VSIG10L: variants seen among roughly 807,000 people sequenced by gnomAD.
VSIG10L encodes V-set and immunoglobulin domain containing 10 like.
Under a neutral mutation model 67.3 loss-of-function variants are expected in VSIG10L, and 63 were observed. That is an observed-to-expected ratio of 0.94 (90% CI 0.76 to 1.15). The LOEUF (loss-of-function observed/expected upper bound fraction) is 1.15. Among genes scored for constraint, VSIG10L ranks in the 50% most tolerant of loss-of-function variants. The probability of loss-of-function intolerance (pLI) is 0.00; values close to 1 mark genes in which losing one functional copy is unlikely to be tolerated. For missense variants in VSIG10L, 1,050 were observed against 1,177.5 expected (o/e 0.89, Z 1.58); for synonymous variants, 499 against 524.9 (o/e 0.95, Z 0.67).
At chr19:51,337,597 G>A in intron 6 of VSIG10L, 63 bp from the exon 7 acceptor site, 1 of 1,337,632 alleles carries the variant, frequency 7.5e-7, no homozygotes, top group Non-Finnish European at 9.9e-7. Context: ...GGGGGCTGGG[G>A]GGCTGGGCTC....
At chr19:51,338,800 C>T (rs763200561) in intron 5 of VSIG10L, 88 bp downstream of exon 5, 300 of 1,314,898 alleles carry the variant, frequency 2.3e-4, no homozygotes, top group Non-Finnish European at 2.8e-4. Context: ...TAAGGACGTA[C>T]CCCATACCCC....
At position 51,337,273 on chromosome 19, in the gene VSIG10L, G is replaced by C; in HGVS notation, c.2270C>G (p.Pro757Arg). ...FRILPILGGQ[P>R]GTPSQSRVYR... is the part of the protein sequence containing the mutation. ...GACCCGGCTTTGTGATGGAGTCCCT[G>C]GCTGGCCCCCCAGGATGGGCAGGAT... Residue 757 changes from proline to arginine, a missense_variant, in exon 7 of 10, where the codon CCA becomes CGA. Transcript: ENST00000335624. 1 of 1,550,768 alleles carries C rather than the reference G, an allele frequency of 6.4e-7. No homozygotes were observed. The highest frequency in any genetic ancestry group is 2.4e-5 in the East Asian group (1 of 40,874).
In VSIG10L at chr19:51,338,975, C is replaced by T; in HGVS notation, c.1642G>A (p.Val548Ile). 1 of 1,428,250 alleles carries T rather than the reference C, an allele frequency of 7.0e-7. No homozygotes were observed. The highest frequency in any genetic ancestry group is 1.5e-5 in the African/African-American group (1 of 66,748). 88.5% of individuals were successfully genotyped at this position (1,428,250 alleles called of 1,614,324 possible). The change falls in exon 5 of 10, where the codon GTC becomes ATC. Residue 548 changes from valine to isoleucine, a missense_variant. Coordinates refer to ENST00000335624, the MANE Select transcript of VSIG10L (RefSeq NM_001163922.3). Reference sequence around the variant, plus strand: ...CCGCTGAGCCGGGGGTGGGCGGGGACGGCCGCCAGCAGCACAGAGGACACT... The same window carrying T: ...CCGCTGAGCCGGGGGTGGGCGGGGATGGCCGCCAGCAGCACAGAGGACACT... ...GPVSSVLLAA[V>I]PAHPRLSGVP...
At position 51,340,190 on chromosome 19, in the gene VSIG10L, C is replaced by T; in HGVS notation, c.1299G>A (p.Arg433=). 1 of 1,445,498 alleles carries T rather than the reference C, an allele frequency of 6.9e-7. No homozygotes were observed. 89.5% of individuals were successfully genotyped at this position (1,445,498 alleles called of 1,614,324 possible). Residue 433 remains arginine, a synonymous_variant, in exon 4 of 10, where the codon CGG becomes CGA. Transcript: ENST00000335624. The surrounding 1 kb of genome is among the most constrained non-coding windows in gnomAD (Gnocchi z 6.3). ...NVTLRCAAAS[R]PPADITWSLA... is the part of the protein sequence containing the mutation. ...GGCTCCACGTGATGTCGGCGGGCGG[C>T]CGCGAGGCGGCGGCGCAGCGCAAGG...
intron 4 of VSIG10L, 102 bp downstream of exon 4, chr19:51,339,913 G>T: frequency 4.8e-5 from 41 of 862,692 alleles, no homozygotes; most frequent in East Asian, 1.8e-4. Flanking sequence ...CCACCGGTAT[G>T]CTGCTCCTCC....
At chr19:51,339,931 C>T in intron 4 of VSIG10L, 84 bp downstream of exon 4, 1 of 1,139,530 alleles carries the variant, frequency 8.8e-7, no homozygotes, top group East Asian at 4.4e-5. Context: ...TCCTTGCTGG[C>T]CCCGCCCCTT....
In VSIG10L at chr19:51,334,085, A is replaced by G. The variant is rs372593819; in HGVS notation, c.2419+106T>C. ...ATTTGGAGGTAGGAGGGCAGGATGGATGACCTATGACGGCACTGATTGCCT... is the reference window on the plus strand; with the variant it reads ...ATTTGGAGGTAGGAGGGCAGGATGGGTGACCTATGACGGCACTGATTGCCT... On this transcript the variant is annotated intron_variant, in intron 8 of 9. Transcript: ENST00000335624. 4.3e-5 allele frequency: 62 copies of G among 1,454,020 alleles called. No individual in the cohort carries two copies. In the African/African-American group the frequency reaches 7.5e-4, roughly 18 times the overall value. The allele number at this position is 1,454,020 out of a possible 1,614,324, so 90.1% of individuals were successfully genotyped here. A position where few individuals can be genotyped will look rare whatever the true frequency, so the allele number is the denominator to read the frequency against.
intron 6 of VSIG10L, 140 bp downstream of exon 6, chr19:51,337,789 TC>T (rs1317821392): frequency 8.6e-7 from 1 of 1,159,128 alleles, no homozygotes; most frequent in Non-Finnish European, 1.2e-6. Flanking sequence ...AGGCCTGGAC[TC>T]CAGGGTCTGA....
chr19:51,336,781 T>TTTG (rs1555753067), intron 7 of VSIG10L, among the ~76,000 whole-genome samples: 33 of 143,536 alleles, frequency 2.3e-4, no homozygotes, highest in Middle Eastern at 3.7e-3. Flanking sequence ...TTTTTTTTTT[T>TTTG]TTTTGAGACG....
In VSIG10L at chr19:51,337,907, T is replaced by A. The variant is rs762782216; in HGVS notation, c.2008+23A>T. 21 of 1,523,324 alleles carry A rather than the reference T, an allele frequency of 1.4e-5. No homozygotes were observed. In the South Asian group the frequency reaches 2.3e-4, roughly 17 times the overall value. The allele number at this position is 1,523,324 out of a possible 1,614,324, so 94.4% of individuals were successfully genotyped here. A position where few individuals can be genotyped will look rare whatever the true frequency, so the allele number is the denominator to read the frequency against. Reference sequence around the variant, plus strand: ...GCGGCTGGGGACGTGGACTTCAGGGTTTTTTGAAATAACGTGGCTCACCAA... The same window carrying A: ...GCGGCTGGGGACGTGGACTTCAGGGATTTTTGAAATAACGTGGCTCACCAA... On this transcript the variant is annotated intron_variant, in intron 6 of 9. Transcript: ENST00000335624.
In VSIG10L at chr19:51,341,163, C is replaced by A; in HGVS notation, c.885G>T (p.Val295=). 6.6e-7 allele frequency: 1 copy of A among 1,521,332 alleles called. No individual in the cohort carries two copies. 94.2% of individuals were successfully genotyped at this position (1,521,332 alleles called of 1,614,324 possible). The change falls in exon 2 of 10, where the codon GTG becomes GTT. Residue 295 remains valine, a synonymous_variant. Coordinates refer to ENST00000335624, the MANE Select transcript of VSIG10L (RefSeq NM_001163922.3). ...CCAGGGCCCACTTACCATACACACCCACCGTGAACTCGTGAGTCTGCTGGG... is the reference window on the plus strand; with the variant it reads ...CCAGGGCCCACTTACCATACACACCAACCGTGAACTCGTGAGTCTGCTGGG... ...GVSQQTHEFT[V]GVYEPLPQLS...
At chr19:51,333,163 T>TTTTATGGGGAATCTTTC in intron 9 of VSIG10L, among the ~76,000 whole-genome samples, 1 of 151,048 alleles carries the variant, frequency 6.6e-6, no homozygotes, top group African/African-American at 2.4e-5. Flanking sequence ...ACAATCCTTC[T>TTTTATGGGGAATCTTTC]TTTATGGGGA....
chr19:51,340,523 G>T lies in VSIG10L; in HGVS notation c.1099C>A (p.Arg367Ser), dbSNP rs1028116734. 3.9e-6 allele frequency: 6 copies of T among 1,534,266 alleles called. No individual in the cohort carries two copies. In the East Asian group the frequency reaches 1.2e-4, roughly 31 times the overall value. Residue 367 changes from arginine to serine, a missense_variant, in exon 3 of 10, where the codon CGC (arginine) becomes AGC (serine). Arg to Ser is a moderately radical substitution (Grantham distance 110). Transcript: ENST00000335624. The surrounding 1 kb of genome is among the most constrained non-coding windows in gnomAD (Gnocchi z 6.3). ...RSEGDQLLIV[R>S]PVRSDHARYT... ...CGGGCGTGGTCGCTGCGCACAGGGCGCACGATGAGCAGCTGGTCGCCCTCT... is the reference window on the plus strand; with the variant it reads ...CGGGCGTGGTCGCTGCGCACAGGGCTCACGATGAGCAGCTGGTCGCCCTCT...
chr19:51,341,080 C>A (rs1281879350), intron 2 of VSIG10L, 73 bp downstream of exon 2: 4 of 1,448,664 alleles, frequency 2.8e-6, no homozygotes, highest in Non-Finnish European at 3.6e-6. Flanking sequence ...CCCACAGCAC[C>A]GTGACTTGCC....
chr19:51,338,477 T>C (rs1385601153), intron 5 of VSIG10L, among the ~76,000 whole-genome samples: 2 of 152,132 alleles, frequency 1.3e-5, no homozygotes, highest in African/African-American at 2.4e-5. Flanking sequence ...CTTTCTTCTT[T>C]ATTATTATTA....
Position 51,338,129 on chromosome 19 carries a change from AG to A in VSIG10L, c.1808del (p.Ser603LeufsTer85). On this transcript the variant is annotated frameshift_variant, in exon 6 of 10. Coordinates refer to ENST00000335624, the MANE Select transcript of VSIG10L (RefSeq NM_001163922.3). LOFTEE classifies it high-confidence loss of function. ...LGEAEVALEA[S>X]GCPPPSRASW... is the part of the protein sequence containing the mutation. ...ATGCCCGTGAGGGTGGGGGACAACC[AG>A]AGGCCTCCAGTGCCACCTCTGCCTC... 6.5e-7 allele frequency: 1 copy of A among 1,546,268 alleles called. No homozygotes were observed. Among genetic ancestry groups the A allele is most frequent in the Non-Finnish European group, 8.7e-7 (1 of 1,144,234 alleles).
At position 51,338,903 on chromosome 19, in the gene VSIG10L, A is replaced by G; in HGVS notation, c.1714T>C (p.Cys572Arg). The change falls in exon 5 of 10, where the codon TGC (cysteine) becomes CGC (arginine). Residue 572 changes from cysteine to arginine, a missense_variant. By Grantham distance (180) the Cys-to-Arg change is radical. This residue lies in a region of VSIG10L where 529 missense variants were observed against 584.9 expected (regional missense o/e 0.90). Coordinates refer to ENST00000335624, the MANE Select transcript of VSIG10L (RefSeq NM_001163922.3). ...GCCCTCTCACCCGGCGTGACTGTGC[A>G]GGTACGCGTGGCCACCAGGTGGCGA... ...LARHLVATRT[C>R]TVTPEAPREV... is the part of the protein sequence containing the mutation. 1 of 1,437,208 alleles carries G rather than the reference A, an allele frequency of 7.0e-7. No homozygotes were observed. Among genetic ancestry groups the G allele is most frequent in the Non-Finnish European group, 9.2e-7 (1 of 1,091,906 alleles). The allele number at this position is 1,437,208 out of a possible 1,614,324, so 89.0% of individuals were successfully genotyped here.
At chr19:51,333,721 T>G in intron 9 of VSIG10L, 70 bp downstream of exon 9, 1 of 1,450,818 alleles carries the variant, frequency 6.9e-7, no homozygotes, top group Non-Finnish European at 9.1e-7. Flanking sequence ...TGAGACCCTC[T>G]CATCTCCCTG....
At position 51,341,308 on chromosome 19, in the gene VSIG10L, A is replaced by G; in HGVS notation, c.740T>C (p.Leu247Pro). 6.5e-7 allele frequency: 1 copy of G among 1,544,934 alleles called. No homozygotes were observed. Among genetic ancestry groups the G allele is most frequent in the South Asian group, 1.2e-5 (1 of 84,036 alleles). Residue 247 changes from leucine to proline, a missense_variant, in exon 2 of 10, where the codon CTG becomes CCG. This residue lies in a region of VSIG10L where 511 missense variants were observed against 557.9 expected (regional missense o/e 0.92). Transcript: ENST00000335624. ...GLGPGAPLIS[L>P]DPAHRDHLRF... The stretch of plus-strand genomic sequence containing the variant: ...CAGGTGGTCTCGGTGAGCAGGGTCC[A>G]GGCTGATCAGAGGTGCCCCTGGCCC...
Sources: allele counts gnomAD v4.1 joint callset (sites outside exome capture counted in the v4.1 genomes callset), GRCh38; gene constraint gnomAD v4.1.1; regional missense constraint gnomAD v4.1.1; non-coding constraint Gnocchi (gnomAD v3.1); transcripts MANE v1.5; gene names NCBI Gene and HGNC (gene_info 2026-07-23, HGNC 2026-07-21).